FAM193A: variants seen among roughly 807,000 people sequenced by gnomAD.
The protein encoded by FAM193A is protein FAM193A.
Under a neutral mutation model 126.5 loss-of-function variants are expected in FAM193A, and 22 were observed. The ratio of observed to expected loss-of-function variants is 0.17; its 90% CI spans 0.12 to 0.25. The LOEUF is 0.25. Ranked by LOEUF, FAM193A falls within the 10% of genes least tolerant of loss-of-function variation. The probability of loss-of-function intolerance (pLI) is 1.00; values close to 1 mark genes in which losing one functional copy is unlikely to be tolerated. For synonymous variants in FAM193A, 761 were observed against 646.8 expected (o/e 1.18, Z -2.68); for missense variants, 1,675 against 1,672.8 (o/e 1.00, Z -0.02).
chr4:2,686,036 T>C (rs969493837), intron 13 of FAM193A, among the ~76,000 whole-genome samples: 1 of 152,254 alleles, frequency 6.6e-6, no homozygotes, highest in Non-Finnish European at 1.5e-5. Context: ...TTTACAGTTA[T>C]ATCATTGGTG....
chr4:2,654,378 A>ATTTT (rs372926172), intron 7 of FAM193A: 1,268 of 114,498 alleles, frequency 0.011, 13 homozygotes, highest in Non-Finnish European at 0.013. Context: ...TGCCTGGCTA[A>ATTTT]TTTTTTTTTT....
intron 16 of FAM193A, 82 bp from the exon 17 acceptor site, chr4:2,694,864 C>T (rs548539781): frequency 1.6e-6 from 2 of 1,214,746 alleles, no homozygotes; most frequent in East Asian, 5.4e-5. Flanking sequence ...ATGGGCAGGA[C>T]AGTGGGTGGT....
chr4:2,537,124 G>C lies in FAM193A; in HGVS notation c.209G>C (p.Gly70Ala), dbSNP rs1311919587. ...GCGGCGGCGGCCAACGGGCCTCTCGGCGCGGGCGCGAGCGCGGGCGGCGCC... is the reference window on the plus strand; with the variant it reads ...GCGGCGGCGGCCAACGGGCCTCTCGCCGCGGGCGCGAGCGCGGGCGGCGCC... The part of the protein sequence containing the change: ...GGAAAANGPL[G>A]AGASAGGAAP... Residue 70 changes from glycine (G) to alanine (A), a missense_variant, in exon 1 of 21, where the codon GGC (glycine) becomes GCC (alanine). Gly to Ala is a moderately conservative substitution (Grantham distance 60, BLOSUM62 0). This residue lies in a region of FAM193A where 1,186 missense variants were observed against 1,109.2 expected (regional missense o/e 1.07). Coordinates refer to ENST00000637812, the MANE Select transcript of FAM193A (RefSeq NM_001366318.2). The C allele has an allele frequency of 5.5e-6, 1 of 183,068 alleles. No homozygotes were observed. Among genetic ancestry groups the C allele is most frequent in the Non-Finnish European group, 1.1e-5 (1 of 88,932 alleles). 11.3% of individuals were successfully genotyped at this position (183,068 alleles called of 1,614,324 possible).
At chr4:2,686,637 G>C (rs1443653408) in intron 13 of FAM193A, among the ~76,000 whole-genome samples, 2 of 152,162 alleles carry the variant, frequency 1.3e-5, no homozygotes, top group African/African-American at 4.8e-5. Context: ...TGGAGCCCAG[G>C]CTCTCAGCCA....
intron 7 of FAM193A, among the ~76,000 whole-genome samples, chr4:2,656,480 A>G (rs1313805780): frequency 2.0e-5 from 3 of 152,206 alleles, no homozygotes; most frequent in Non-Finnish European, 4.4e-5. Context: ...AGTCACGGAA[A>G]TGGATGATAC....
chr4:2,645,807 G>A (rs981467669), intron 6 of FAM193A, among the ~76,000 whole-genome samples: 3 of 152,144 alleles, frequency 2.0e-5, no homozygotes, highest in Admixed American at 2.0e-4. Flanking sequence ...GATTACAGGC[G>A]TGAGCCACTG....
intron 2 of FAM193A, among the ~76,000 whole-genome samples, chr4:2,602,534 G>A (rs1032980004): frequency 2.0e-5 from 3 of 151,884 alleles, no homozygotes; most frequent in Non-Finnish European, 2.9e-5. Flanking sequence ...TGCATTTTTA[G>A]TACAGATGGG....
chr4:2,635,809 A>T (rs959876923), intron 5 of FAM193A, among the ~76,000 whole-genome samples: 3 of 152,128 alleles, frequency 2.0e-5, no homozygotes, highest in Non-Finnish European at 2.9e-5. Context: ...AAGTTTTGGG[A>T]TTATGGGCGT....
chr4:2,678,002 T>C (rs1189080342), intron 13 of FAM193A, among the ~76,000 whole-genome samples: 1 of 151,274 alleles, frequency 6.6e-6, no homozygotes, highest in African/African-American at 2.5e-5. Context: ...TGTGTGTTTG[T>C]TTGTTTGTTT....
intron 2 of FAM193A, among the ~76,000 whole-genome samples, chr4:2,622,257 CAAA>C (rs71178493): frequency 3.4e-3 from 189 of 55,552 alleles, no homozygotes; most frequent in African/African-American, 0.012. Context: ...ACCCTGTCTC[CAAA>C]AAAAAAAAAA....
At chr4:2,719,022 T>A (rs544706359) in intron 20 of FAM193A, among the ~76,000 whole-genome samples, 3 of 152,246 alleles carry the variant, frequency 2.0e-5, no homozygotes, top group Admixed American at 1.3e-4. Context: ...TTGAGCAAAC[T>A]CTACCAGTGA....
chr4:2,593,950 G>T (rs576564965), intron 1 of FAM193A, among the ~76,000 whole-genome samples: 60 of 152,022 alleles, frequency 3.9e-4, no homozygotes, highest in Non-Finnish European at 7.5e-4. Flanking sequence ...GGTACTCGGT[G>T]GTTTGAGTAG....
At chr4:2,649,905 G>A (rs559495881) in intron 7 of FAM193A, among the ~76,000 whole-genome samples, 12 of 152,254 alleles carry the variant, frequency 7.9e-5, no homozygotes, top group South Asian at 2.1e-4. Context: ...TTGCATTACC[G>A]CCTGAACTTC....
chr4:2,694,188 G>GA (rs1014535480), intron 16 of FAM193A, among the ~76,000 whole-genome samples: 4 of 152,066 alleles, frequency 2.6e-5, no homozygotes, highest in Non-Finnish European at 4.4e-5. Flanking sequence ...TTATACCTAG[G>GA]GTGGAATCAG....
chr4:2,619,063 A>G (rs1742382170), intron 2 of FAM193A, among the ~76,000 whole-genome samples: 1 of 152,036 alleles, frequency 6.6e-6, no homozygotes, highest in Non-Finnish European at 1.5e-5. Context: ...GTTCAGGTTT[A>G]TTGGTATTCT....
rs1436833410 is a variant in FAM193A, at chr4:2,670,806, T to C, written c.2080-1315T>C. Among the ~76,000 whole-genome samples, 3 of 152,200 alleles carry C rather than the reference T, an allele frequency of 2.0e-5. No homozygotes were observed. The East Asian group carries it at 5.8e-4, about 29-fold the overall frequency. ...CTTTGCTTGTCTCATAATTTTTTGTTGAAAATTGGACATTTTAAATAATGT... is the reference window on the plus strand; with the variant it reads ...CTTTGCTTGTCTCATAATTTTTTGTCGAAAATTGGACATTTTAAATAATGT... On this transcript the variant is annotated intron_variant, in intron 12 of 20. Transcript: ENST00000637812.
chr4:2,696,339 G>C, intron 17 of FAM193A, 24 bp from the exon 18 acceptor site: 1 of 1,530,054 alleles, frequency 6.5e-7, no homozygotes, highest in Non-Finnish European at 9.0e-7. Flanking sequence ...TAAAACTTAA[G>C]CATAACTTTG....
chr4:2,698,298 G>A (rs1434273708), intron 18 of FAM193A, among the ~76,000 whole-genome samples: 1 of 152,210 alleles, frequency 6.6e-6, no homozygotes, highest in Non-Finnish European at 1.5e-5. Flanking sequence ...GCTGGATTTA[G>A]ATCAGCTCTG....
At chr4:2,641,993 T>C (rs1744673046) in intron 6 of FAM193A, among the ~76,000 whole-genome samples, 1 of 150,430 alleles carries the variant, frequency 6.6e-6, no homozygotes, top group Non-Finnish European at 1.5e-5. Context: ...TGCCAGCACT[T>C]TGGGAGGTCG....
Sources: allele counts gnomAD v4.1 joint callset (sites outside exome capture counted in the v4.1 genomes callset), GRCh38; gene constraint gnomAD v4.1.1; regional missense constraint gnomAD v4.1.1; transcripts MANE v1.5; gene names NCBI Gene and HGNC (gene_info 2026-07-23, HGNC 2026-07-21).